Variants in ZNF710 observed in about 807,000 individuals in gnomAD.
ZNF710 encodes zinc finger protein 710.
In ZNF710, 13 loss-of-function variants were observed where a neutral mutation model predicts 50.6. That is an observed-to-expected ratio of 0.26 (90% CI 0.17 to 0.41). The LOEUF is 0.41. Ranked by LOEUF, ZNF710 falls within the 10% of genes least tolerant of loss-of-function variation. ZNF710 has a pLI of 1.00. For missense variants in ZNF710, 721 were observed against 936.6 expected, an observed-to-expected ratio of 0.77 and a Z score of 3.01; for synonymous variants, 383 against 397.0, an observed-to-expected ratio of 0.96 and a Z score of 0.42.
At chr15:90,072,502 A>T (rs1211412891) in intron 2 of ZNF710, among the ~76,000 whole-genome samples, 1 of 152,194 alleles carries the variant, frequency 6.6e-6, no homozygotes, top group Admixed American at 6.5e-5. Context: ...ACATAGACCT[A>T]AGTGCCATTT....
intron 1 of ZNF710, among the ~76,000 whole-genome samples, chr15:90,016,710 T>A (rs938161817): frequency 6.6e-6 from 1 of 152,244 alleles, no homozygotes; most frequent in Non-Finnish European, 1.5e-5. Flanking sequence ...CGTGGGCCAC[T>A]GTGCCTGGCC....
chr15:90,006,250 T>G (rs1327027869), intron 1 of ZNF710, among the ~76,000 whole-genome samples: 3 of 152,192 alleles, frequency 2.0e-5, no homozygotes, highest in Non-Finnish European at 4.4e-5. Context: ...GATCTTTTTA[T>G]GGGCAAAGAT....
rs1899075830 is a variant in ZNF710 at position 90,034,997 on chromosome 15, C to T, written c.-28-32113C>T. ...GGGGTGTCTGGAGGGCCTCTGCCTTCCGTCATCAGAAGGAGGTTCTAGCAA... is the reference window on the plus strand; with the variant it reads ...GGGGTGTCTGGAGGGCCTCTGCCTTTCGTCATCAGAAGGAGGTTCTAGCAA... On this transcript the variant is annotated intron_variant, in intron 1 of 4. Transcript: ENST00000268154. This position sits in a 1 kb window ranked among gnomAD's most constrained non-coding sequence, Gnocchi z 4.0. 6.6e-6 allele frequency among the ~76,000 whole-genome samples: 1 copy of T among 152,338 alleles called. No homozygotes were observed.
chr15:90,035,670 T>A (rs576580272), intron 1 of ZNF710, among the ~76,000 whole-genome samples: 1 of 152,286 alleles, frequency 6.6e-6, no homozygotes, highest in Admixed American at 6.5e-5. Flanking sequence ...GGTGGCTGAG[T>A]CAACAACATG....
chr15:90,023,414 A>G (rs1371029095), intron 1 of ZNF710, among the ~76,000 whole-genome samples: 1 of 152,238 alleles, frequency 6.6e-6, no homozygotes, highest in Non-Finnish European at 1.5e-5. Flanking sequence ...TCTTCCAAAG[A>G]GTGATAGCTG....
At chr15:90,007,578 A>T (rs1013099671) in intron 1 of ZNF710, among the ~76,000 whole-genome samples, 1 of 151,974 alleles carries the variant, frequency 6.6e-6, no homozygotes, top group African/African-American at 2.4e-5. Flanking sequence ...CTCTCTTGTT[A>T]TACAGCACAT....
intron 1 of ZNF710, among the ~76,000 whole-genome samples, chr15:90,030,554 G>C (rs973499613): frequency 5.9e-5 from 9 of 151,942 alleles, no homozygotes; most frequent in Non-Finnish European, 1.3e-4. Context: ...GGCCCTGGCC[G>C]AACACTCTGA....
At chr15:90,053,737 G>A (rs1345135789) in intron 1 of ZNF710, among the ~76,000 whole-genome samples, 5 of 152,178 alleles carry the variant, frequency 3.3e-5, no homozygotes, top group African/African-American at 4.8e-5. Context: ...TGTGGGTGCC[G>A]GCTTCTCCCC....
chr15:90,003,619 G>A (rs1469381864), intron 1 of ZNF710, among the ~76,000 whole-genome samples: 1 of 152,182 alleles, frequency 6.6e-6, no homozygotes, highest in African/African-American at 2.4e-5. Flanking sequence ...AAGAGACAGT[G>A]TATTCCTAAT....
chr15:90,046,891 G>T (rs1899479272), intron 1 of ZNF710, among the ~76,000 whole-genome samples: 1 of 152,134 alleles, frequency 6.6e-6, no homozygotes, highest in Non-Finnish European at 1.5e-5. Context: ...GATGGCTTTG[G>T]GGCAGGCACC....
chr15:90,017,115 T>C (rs1898477958), intron 1 of ZNF710, among the ~76,000 whole-genome samples: 1 of 152,222 alleles, frequency 6.6e-6, no homozygotes, highest in African/African-American at 2.4e-5. Flanking sequence ...CTTTGTTTTA[T>C]GGCAGGGAAC....
Position 90,067,852 on chromosome 15 carries a change from C to A in ZNF710, c.715C>A (p.Pro239Thr), listed in dbSNP as rs369663040. The A allele has an allele frequency of 2.5e-6, 4 of 1,601,634 alleles. No individual in the cohort carries two copies. The highest frequency in any genetic ancestry group is 1.3e-5 in the African/African-American group (1 of 74,724). Residue 239 changes from proline (P) to threonine (T), a missense_variant, in exon 2 of 5, where the codon CCT (proline) becomes ACT (threonine). Pro to Thr is a conservative substitution (Grantham distance 38). This residue lies in a region of ZNF710 where 326 missense variants were observed against 347.1 expected (regional missense o/e 0.94). Transcript: ENST00000268154. The surrounding 1 kb of genome is among the most constrained non-coding windows in gnomAD (Gnocchi z 8.1). The part of the protein sequence containing the change: ...PEAPSMESPE[P>T]VKPEQGFVWQ... ...GGCCCCCAGCATGGAGTCCCCGGAGCCTGTCAAGCCGGAACAGGGCTTCGT... is the reference window on the plus strand; with the variant it reads ...GGCCCCCAGCATGGAGTCCCCGGAGACTGTCAAGCCGGAACAGGGCTTCGT...
chr15:90,015,497 C>T (rs938502970), intron 1 of ZNF710, among the ~76,000 whole-genome samples: 11 of 151,938 alleles, frequency 7.2e-5, no homozygotes, highest in Non-Finnish European at 1.3e-4. Context: ...TAGTTAATTG[C>T]ATCATTGCTT....
chr15:90,008,415 T>A (rs1028218304), intron 1 of ZNF710, among the ~76,000 whole-genome samples: 1 of 134,660 alleles, frequency 7.4e-6, no homozygotes, highest in African/African-American at 3.0e-5. Context: ...TATACGTGTG[T>A]GTGTGTGTGT....
intron 1 of ZNF710, among the ~76,000 whole-genome samples, chr15:90,018,133 T>C (rs1898504575): frequency 6.6e-6 from 1 of 152,002 alleles, no homozygotes; most frequent in Non-Finnish European, 1.5e-5. Context: ...GAATTTCTCT[T>C]CCAAATCCCT....
At chr15:90,053,331 T>G (rs1180977490) in intron 1 of ZNF710, among the ~76,000 whole-genome samples, 1 of 148,826 alleles carries the variant, frequency 6.7e-6, no homozygotes, top group African/African-American at 2.5e-5. Flanking sequence ...TGGGTTTCCC[T>G]GGACAGCAGT....
chr15:90,012,842 T>C lies in ZNF710; in HGVS notation c.-29+11228T>C, dbSNP rs532829409. On this transcript the variant is annotated intron_variant, in intron 1 of 4. Coordinates refer to ENST00000268154, the MANE Select transcript of ZNF710 (RefSeq NM_198526.4). The stretch of plus-strand genomic sequence containing the variant: ...TAATGTGAATGATTATTTTTTTTTA[T>C]TTCTGGGTTTCTATTTTATTATTTT... 9.7e-4 allele frequency among the ~76,000 whole-genome samples: 147 copies of C among 152,270 alleles called. 1 individual carries two copies. Among genetic ancestry groups the C allele is most frequent in the Middle Eastern group, 3.4e-3 (1 of 294 alleles).
At chr15:90,050,919 G>T (rs894133688) in intron 1 of ZNF710, among the ~76,000 whole-genome samples, 4 of 152,176 alleles carry the variant, frequency 2.6e-5, no homozygotes, top group African/African-American at 4.8e-5. Context: ...CACCAGCCTG[G>T]CCGGATGATA....
intron 1 of ZNF710, among the ~76,000 whole-genome samples, chr15:90,035,622 T>G (rs1186344593): frequency 6.6e-6 from 1 of 152,250 alleles, no homozygotes; most frequent in East Asian, 1.9e-4. Context: ...GGCCGGGCTC[T>G]CTAGCTGGGG....
Sources: allele counts gnomAD v4.1 joint callset (sites outside exome capture counted in the v4.1 genomes callset), GRCh38; gene constraint gnomAD v4.1.1; regional missense constraint gnomAD v4.1.1; non-coding constraint Gnocchi (gnomAD v3.1); transcripts MANE v1.5; gene names NCBI Gene and HGNC (gene_info 2026-07-23, HGNC 2026-07-21).